The following COX7B2 variants were observed in gnomAD, a reference collection of about 807,000 sequenced individuals.
COX7B2 encodes the protein cytochrome c oxidase subunit 7B2, mitochondrial.
For synonymous variants in COX7B2, 37 were observed against 32.1 expected, an observed-to-expected ratio of 1.15 and a Z score of -0.51; for missense variants, 109 against 95.9, an observed-to-expected ratio of 1.14 and a Z score of -0.57.
At chr4:46,779,395 T>C (rs560045271) in intron 2 of COX7B2, among the ~76,000 whole-genome samples, 1 of 152,344 alleles carries the variant, frequency 6.6e-6, no homozygotes, top group African/African-American at 2.4e-5. Flanking sequence ...TGTATATATA[T>C]ATGTCTACAT....
intron 2 of COX7B2, among the ~76,000 whole-genome samples, chr4:46,773,191 T>C (rs1219538978): frequency 6.6e-6 from 1 of 152,166 alleles, no homozygotes; most frequent in Non-Finnish European, 1.5e-5. Context: ...GGTAGTATCG[T>C]TTGACTGTGT....
chr4:46,791,668 C>CA (rs1718054364), intron 2 of COX7B2, among the ~76,000 whole-genome samples: 1 of 152,160 alleles, frequency 6.6e-6, no homozygotes, highest in Admixed American at 6.5e-5. Flanking sequence ...TCCTTCCATG[C>CA]AACAAAGTCT....
intron 2 of COX7B2, among the ~76,000 whole-genome samples, chr4:46,762,398 C>A (rs1716231592): frequency 2.3e-5 from 3 of 131,444 alleles, no homozygotes; most frequent in African/African-American, 5.7e-5. Context: ...TATATATTTA[C>A]AATATATAAT....
chr4:46,837,741 T>C (rs949216696), intron 2 of COX7B2, among the ~76,000 whole-genome samples: 2 of 152,046 alleles, frequency 1.3e-5, no homozygotes, highest in Middle Eastern at 3.2e-3. Context: ...CTAATAGCAA[T>C]TAAATATCCC....
At chr4:46,889,101 C>T (rs1719263864) in intron 1 of COX7B2, among the ~76,000 whole-genome samples, 1 of 152,102 alleles carries the variant, frequency 6.6e-6, no homozygotes, top group Admixed American at 6.6e-5. Flanking sequence ...TAAATATATA[C>T]ACCTATTATG....
intron 2 of COX7B2, among the ~76,000 whole-genome samples, chr4:46,821,837 C>T (rs1714315066): frequency 1.3e-5 from 2 of 152,158 alleles, no homozygotes; most frequent in South Asian, 4.1e-4. Flanking sequence ...ATGTCTCTCA[C>T]ATTGCCAAAA....
chr4:46,820,821 CAAAAA>C (rs754039038), intron 2 of COX7B2, among the ~76,000 whole-genome samples: 26 of 137,788 alleles, frequency 1.9e-4, no homozygotes, highest in African/African-American at 7.0e-4. Context: ...AACTCCATCT[CAAAAA>C]AAAAAAAAAT....
At chr4:46,830,324 CAAAAAA>C (rs201868075) in intron 2 of COX7B2, among the ~76,000 whole-genome samples, 3 of 82,152 alleles carry the variant, frequency 3.7e-5, no homozygotes, top group Non-Finnish European at 7.4e-5. Context: ...ACTCTGTCTC[CAAAAAA>C]AAAAAAAAAA....
At chr4:46,759,275 T>A (rs1425387467) in intron 2 of COX7B2, among the ~76,000 whole-genome samples, 1 of 152,118 alleles carries the variant, frequency 6.6e-6, no homozygotes, top group African/African-American at 2.4e-5. Context: ...GTCCTTCAGA[T>A]AATGTAATTG....
chr4:46,802,836 C>A (rs574922780), intron 2 of COX7B2, among the ~76,000 whole-genome samples: 1 of 152,206 alleles, frequency 6.6e-6, no homozygotes, highest in African/African-American at 2.4e-5. Flanking sequence ...GTTACTGGAA[C>A]TTTAGGGATT....
At chr4:46,870,758 A>G (rs1717941553) in intron 1 of COX7B2, among the ~76,000 whole-genome samples, 1 of 152,180 alleles carries the variant, frequency 6.6e-6, no homozygotes. Flanking sequence ...AAAGAATAAA[A>G]TATCTAGAAA....
intron 2 of COX7B2, among the ~76,000 whole-genome samples, chr4:46,828,864 G>A (rs1714868465): frequency 6.6e-6 from 1 of 152,062 alleles, no homozygotes; most frequent in African/African-American, 2.4e-5. Flanking sequence ...GGTAATTGCA[G>A]AAAAATATAA....
rs77173540 is a variant in COX7B2 at position 46,892,617 on chromosome 4, A to G, written c.-105+16543T>C. On this transcript the variant is annotated intron_variant, in intron 1 of 2. Coordinates refer to ENST00000355591, the MANE Select transcript of COX7B2 (RefSeq NM_130902.3). ...CCAAAACCTTGAGCTTCATCCCCAC[A>G]TAAACTTCCATAATCAGAAAAAAAT... Among the ~76,000 whole-genome samples the G allele has an allele frequency of 2.8e-3, 426 of 152,312 alleles. 2 individuals are homozygous for G. Among genetic ancestry groups the G allele is most frequent in the African/African-American group, 9.5e-3 (396 of 41,568 alleles).
intron 2 of COX7B2, among the ~76,000 whole-genome samples, chr4:46,799,176 G>T (rs1242035898): frequency 3.3e-5 from 5 of 152,028 alleles, no homozygotes; most frequent in Non-Finnish European, 5.9e-5. Flanking sequence ...CGTTATTGGT[G>T]TATAGAAACA....
chr4:46,837,725 A>G (rs923857710), intron 2 of COX7B2, among the ~76,000 whole-genome samples: 1 of 152,110 alleles, frequency 6.6e-6, no homozygotes, highest in African/African-American at 2.4e-5. Context: ...TAACACTTTT[A>G]GAAAACTAAT....
At chr4:46,812,455 C>T (rs1719333325) in intron 2 of COX7B2, among the ~76,000 whole-genome samples, 1 of 152,044 alleles carries the variant, frequency 6.6e-6, no homozygotes. Context: ...AAACAGGGCA[C>T]ACTGGCAGGT....
At chr4:46,744,814 C>T (rs1309211643) in intron 2 of COX7B2, among the ~76,000 whole-genome samples, 1 of 145,400 alleles carries the variant, frequency 6.9e-6, no homozygotes, top group Admixed American at 7.4e-5. Context: ...GTAATCTCGG[C>T]TCACTGCACC....
At chr4:46,872,130 A>T (rs1241723224) in intron 1 of COX7B2, among the ~76,000 whole-genome samples, 3 of 152,224 alleles carry the variant, frequency 2.0e-5, no homozygotes, top group Non-Finnish European at 4.4e-5. Flanking sequence ...ACCATGGAAT[A>T]CTATGCAGCC....
chr4:46,901,163 T>C (rs1240789992), intron 1 of COX7B2, among the ~76,000 whole-genome samples: 1 of 152,188 alleles, frequency 6.6e-6, no homozygotes, highest in Non-Finnish European at 1.5e-5. Flanking sequence ...ATTCAGATGA[T>C]CCTCGTTCAT....
Sources: gnomAD v4.1 joint callset for allele counts (sites outside exome capture counted in the v4.1 genomes callset) on GRCh38, gnomAD v4.1.1 for gene constraint, MANE v1.5 for transcripts, NCBI Gene and HGNC (gene_info 2026-07-23, HGNC 2026-07-21) for gene names.